TYW1B: variants seen among roughly 807,000 people sequenced by gnomAD.
TYW1B encodes S-adenosyl-L-methionine-dependent tRNA 4-demethylwyosine synthase TYW1B.
TYW1B carries 73 observed loss-of-function variants against 86.9 expected under a neutral mutation model. That is an observed-to-expected ratio of 0.84 (90% CI 0.70 to 1.02). TYW1B has a LOEUF of 1.02. Among genes scored for constraint, TYW1B ranks in the 50% least tolerant of loss-of-function variants. The pLI is 0.00. For missense variants in TYW1B, 637 were observed against 827.4 expected (o/e 0.77, Z 2.82); for synonymous variants, 248 against 292.8 (o/e 0.85, Z 1.56).
At chr7:72,771,058 G>A (rs1246178779) in intron 7 of TYW1B, among the ~76,000 whole-genome samples, 2 of 150,084 alleles carry the variant, frequency 1.3e-5, no homozygotes, top group Non-Finnish European at 2.9e-5. Flanking sequence ...TGCCTCCTGG[G>A]TTCAAGTGAT....
rs139728045 is a variant in TYW1B at position 72,725,216 on chromosome 7, GCTC to G, written c.1192+3603_1192+3605del. 1.5e-3 allele frequency among the ~76,000 whole-genome samples: 230 copies of G among 152,126 alleles called. 1 individual carries two copies. Among genetic ancestry groups the G allele is most frequent in the African/African-American group, 5.4e-3 (226 of 41,502 alleles). On this transcript the variant is annotated intron_variant, in intron 9 of 13. Coordinates refer to ENST00000620995, the MANE Select transcript of TYW1B (RefSeq NM_001145440.3). ...CCATTTAAAGTGCATTTGCAAAAACGCTCCTGTCAGAAAAATTACTATCCAAAC... is the reference window on the plus strand; with the variant it reads ...CCATTTAAAGTGCATTTGCAAAAACGCTGTCAGAAAAATTACTATCCAAAC...
chr7:72,723,150 T>C (rs1786935719), intron 9 of TYW1B: 1 of 531,666 alleles, frequency 1.9e-6, no homozygotes, highest in Non-Finnish European at 3.0e-6. Flanking sequence ...TATAAATATA[T>C]AAGGGGGAAA....
intron 7 of TYW1B, among the ~76,000 whole-genome samples, chr7:72,776,990 T>A (rs2129572034): frequency 6.6e-6 from 1 of 152,178 alleles, no homozygotes; most frequent in Middle Eastern, 3.4e-3. Context: ...TGATTCCCAT[T>A]TTACTACTCT....
intron 11 of TYW1B, among the ~76,000 whole-genome samples, chr7:72,660,373 C>G (rs1482762373): frequency 1.3e-5 from 2 of 151,808 alleles, no homozygotes; most frequent in Non-Finnish European, 2.9e-5. Context: ...GTCCCTGTCT[C>G]CAAACAAACA....
chr7:72,672,006 T>C (rs1813617851), intron 11 of TYW1B, among the ~76,000 whole-genome samples: 1 of 50,046 alleles, frequency 2.0e-5, no homozygotes, highest in Non-Finnish European at 5.0e-5. Context: ...AAATCTCATC[T>C]TGAATTCCCA....
In TYW1B at chr7:72,694,742, A is replaced by T; in HGVS notation, c.1451T>A (p.Leu484His). 6.2e-7 allele frequency: 1 copy of T among 1,613,922 alleles called. No homozygotes were observed. The highest frequency in any genetic ancestry group is 8.5e-7 in the Non-Finnish European group (1 of 1,179,956). The change falls in exon 11 of 14, where the codon CTC becomes CAC. Residue 484 changes from leucine (L) to histidine (H), a missense_variant. By Grantham distance (99) the Leu-to-His change is moderately conservative. Transcript: ENST00000620995. ...KDSLKKIDRP[L>H]FKDFWQQFLD... is the part of the protein sequence containing the mutation. ...GAATTGCTGCCAGAAATCCTTGAAG[A>T]GTGGGCGGTCGATTTTCTTCAGGCT...
chr7:72,595,259 A>T (rs567522790), intron 13 of TYW1B, among the ~76,000 whole-genome samples: 1 of 152,224 alleles, frequency 6.6e-6, no homozygotes, highest in African/African-American at 2.4e-5. Flanking sequence ...CAACCAAAAA[A>T]CTGTTTAAAC....
At chr7:72,811,988 T>A (rs2129572732) in intron 3 of TYW1B, among the ~76,000 whole-genome samples, 1 of 151,540 alleles carries the variant, frequency 6.6e-6, no homozygotes, top group African/African-American at 2.4e-5. Context: ...TCTAATAAAT[T>A]AAAGCAATAA....
At chr7:72,730,030 C>T (rs558189898) in intron 8 of TYW1B, among the ~76,000 whole-genome samples, 49 of 152,258 alleles carry the variant, frequency 3.2e-4, no homozygotes, top group Middle Eastern at 3.4e-3. Flanking sequence ...GTCTAGAGGA[C>T]AAGTCAAAGC....
intron 11 of TYW1B, among the ~76,000 whole-genome samples, chr7:72,663,196 G>A (rs1245688222): frequency 1.3e-5 from 2 of 151,878 alleles, no homozygotes; most frequent in African/African-American, 4.8e-5. Flanking sequence ...GGGGGTTGTG[G>A]GGGGGTTGGC....
At chr7:72,625,460 A>G (rs1166218392) in intron 12 of TYW1B, among the ~76,000 whole-genome samples, 1 of 151,752 alleles carries the variant, frequency 6.6e-6, no homozygotes, top group Non-Finnish European at 1.5e-5. Context: ...TTCTATAAAT[A>G]CAAAAATGTT....
In TYW1B at chr7:72,594,355, A is replaced by C. The variant is rs551799559; in HGVS notation, c.1786-18636T>G. On this transcript the variant is annotated intron_variant, in intron 13 of 13. Coordinates refer to ENST00000620995, the MANE Select transcript of TYW1B (RefSeq NM_001145440.3). ...CAATTCTGCATTAAAAAAAAAAAAA[A>C]CTGTAAGAGTGTACTATAAACAATG... 3.4e-5 allele frequency among the ~76,000 whole-genome samples: 5 copies of C among 148,136 alleles called. No homozygotes were observed. The East Asian group carries it at 6.2e-4, about 18-fold the overall frequency.
At chr7:72,695,951 T>C (rs1473727084) in intron 10 of TYW1B, among the ~76,000 whole-genome samples, 1 of 140 alleles carries the variant, frequency 7.1e-3, no homozygotes, top group East Asian at 0.12. Flanking sequence ...TTTCTTTTCT[T>C]TTTTTTTTTT....
At chr7:72,580,772 A>G (rs1811134291) in intron 13 of TYW1B, among the ~76,000 whole-genome samples, 1 of 152,006 alleles carries the variant, frequency 6.6e-6, no homozygotes, top group South Asian at 2.1e-4. Context: ...TTCCTCTTGA[A>G]ACCCCACTAA....
At chr7:72,670,741 G>A (rs1176489036) in intron 11 of TYW1B, among the ~76,000 whole-genome samples, 1 of 152,132 alleles carries the variant, frequency 6.6e-6, no homozygotes, top group African/African-American at 2.4e-5. Flanking sequence ...CCAAAAGGCG[G>A]GGGAATAAAT....
chr7:72,782,174 AG>A (rs1788060733), intron 6 of TYW1B, among the ~76,000 whole-genome samples: 1 of 152,028 alleles, frequency 6.6e-6, no homozygotes, highest in African/African-American at 2.4e-5. Flanking sequence ...CTGTCATCCG[AG>A]CCACTTGGGA....
At chr7:72,650,456 A>G (rs189395102) in intron 11 of TYW1B, among the ~76,000 whole-genome samples, 5 of 152,244 alleles carry the variant, frequency 3.3e-5, no homozygotes, top group African/African-American at 1.2e-4. Context: ...AGAAGAGTAG[A>G]CCACACTTAC....
chr7:72,624,802 A>G (rs1812303045), intron 12 of TYW1B, among the ~76,000 whole-genome samples: 1 of 152,200 alleles, frequency 6.6e-6, no homozygotes, highest in Non-Finnish European at 1.5e-5. Flanking sequence ...TCACGCCTGT[A>G]ATCCCAACAC....
intron 7 of TYW1B, among the ~76,000 whole-genome samples, chr7:72,766,160 CACAAA>C (rs1364857574): frequency 2.0e-5 from 3 of 152,220 alleles, no homozygotes; most frequent in Non-Finnish European, 4.4e-5. Flanking sequence ...AACCCATATA[CACAAA>C]ACAAAACAGC....
Sources: gnomAD v4.1 joint callset for allele counts (sites outside exome capture counted in the v4.1 genomes callset) on GRCh38, gnomAD v4.1.1 for gene constraint, MANE v1.5 for transcripts, NCBI Gene and HGNC (gene_info 2026-07-23, HGNC 2026-07-21) for gene names.